Variants in APTX observed in about 807,000 individuals in gnomAD.
APTX encodes aprataxin.
APTX carries 33 observed loss-of-function variants against 42.3 expected under a neutral mutation model. The ratio of observed to expected loss-of-function variants is 0.78; its 90% CI spans 0.59 to 1.04. APTX has a LOEUF of 1.04. Among genes scored for constraint, APTX ranks in the 50% least tolerant of loss-of-function variants. APTX has a pLI of 0.00. For missense variants in APTX, 421 were observed against 415.1 expected, an observed-to-expected ratio of 1.01 and a Z score of -0.12; for synonymous variants, 130 against 146.7, an observed-to-expected ratio of 0.89 and a Z score of 0.82.
chr9:32,984,659 A>T lies in APTX; in HGVS notation c.742T>A (p.Leu248Met), dbSNP rs141195622. The T allele has an allele frequency of 1.8e-3, 2,864 of 1,614,180 alleles. 6 individuals carry two copies. Among genetic ancestry groups the T allele is most frequent in the Admixed American group, 2.3e-3 (136 of 60,018 alleles). The change falls in exon 6 of 8, where the codon TTG (leucine) becomes ATG (methionine). Residue 248 changes from leucine (L) to methionine (M), a missense_variant. Physicochemically the swap from Leu to Met is conservative, Grantham distance 15. Coordinates refer to ENST00000379817, the MANE Select transcript of APTX (RefSeq NM_001195248.2). ...ATACTCGGAATGGCGTGGTAGCCCA[A>T]TCGGAAGCGGAGTTTGCTGGACCCA... ...FAGSSKLRFRLGYHAIPSMSH... is the reference protein window; with the variant it reads ...FAGSSKLRFRMGYHAIPSMSH...
intron 1 of APTX, among the ~76,000 whole-genome samples, chr9:33,001,019 G>A (rs1034025811): frequency 3.3e-5 from 5 of 151,564 alleles, no homozygotes; most frequent in Admixed American, 2.0e-4. Context: ...GGCTAGTTTT[G>A]TATTTTTAGT....
At chr9:32,976,712 T>C (rs1829509587) in intron 6 of APTX, among the ~76,000 whole-genome samples, 1 of 152,218 alleles carries the variant, frequency 6.6e-6, no homozygotes, top group Admixed American at 6.5e-5. Context: ...ACTAAAACAG[T>C]GTTCTTCTCC....
At chr9:32,988,221 G>A in intron 2 of APTX, 92 bp from the exon 3 acceptor site, 1 of 1,168,690 alleles carries the variant, frequency 8.6e-7, no homozygotes, top group South Asian at 1.2e-5. Context: ...TTCACTACAG[G>A]CGGCAGCTGA....
chr9:32,992,023 G>C (rs1413154772), intron 1 of APTX, among the ~76,000 whole-genome samples: 1 of 152,100 alleles, frequency 6.6e-6, no homozygotes, highest in South Asian at 2.1e-4. Context: ...TATTTGAGAG[G>C]CATCAACATG....
Position 32,988,051 on chromosome 9 carries a change from A to G in APTX, c.180+32T>C, listed in dbSNP as rs749913379. 2.3e-5 allele frequency: 37 copies of G among 1,605,884 alleles called. No individual in the cohort carries two copies. The South Asian group carries it at 3.6e-4, about 16-fold the overall frequency. On this transcript the variant is annotated intron_variant, in intron 3 of 7. Transcript: ENST00000379817. ...AGTCAACAGCATAAGAAAATCATCG[A>G]GTATAAAATTCCAAGTTATAAATAC...
chr9:33,016,734 G>A (rs1837930307), intron 1 of APTX, among the ~76,000 whole-genome samples: 1 of 151,216 alleles, frequency 6.6e-6, no homozygotes, highest in Non-Finnish European at 1.5e-5. Flanking sequence ...AGTACTCACT[G>A]CTAAGAGGAA....
intron 6 of APTX, among the ~76,000 whole-genome samples, chr9:32,979,383 A>G (rs1051111179): frequency 2.0e-5 from 3 of 152,134 alleles, no homozygotes; most frequent in Admixed American, 2.0e-4. Flanking sequence ...GTTCTTTTCT[A>G]TGGCTGTGTA....
Position 32,989,849 on chromosome 9 carries a change from G to C in APTX, c.43C>G (p.Gln15Glu), listed in dbSNP as rs780791731. The part of the protein sequence containing the change: ...CWLVRQDSRH[Q>E]RIRLPHLEAV... ...TCCAAATGTGGAAGTCTGATTCGCT[G>C]GTGCCGGCTGTCCTGTCTCACCAAC... The change falls in exon 2 of 8, where the codon CAG becomes GAG. Residue 15 changes from glutamine to glutamate, a missense_variant. By Grantham distance (29) the Gln-to-Glu change is conservative (BLOSUM62 2). Coordinates refer to ENST00000379817, the MANE Select transcript of APTX (RefSeq NM_001195248.2). 1 of 1,614,226 alleles carries C rather than the reference G, an allele frequency of 6.2e-7. No individual in the cohort carries two copies. The highest frequency in any genetic ancestry group is 8.5e-7 in the Non-Finnish European group (1 of 1,180,050).
intron 2 of APTX, chr9:32,989,517 C>T (rs1280399832): frequency 7.8e-6 from 5 of 640,802 alleles, no homozygotes; most frequent in Non-Finnish European, 1.4e-5. Flanking sequence ...TCCACCATCC[C>T]ATGGTAACAG....
chr9:33,016,669 TC>T (rs60192650), intron 1 of APTX, among the ~76,000 whole-genome samples: 10,861 of 147,722 alleles, frequency 0.074, 519 homozygotes, highest in Non-Finnish European at 0.11. Flanking sequence ...TGCATTACAC[TC>T]CCCCCCCCAT....
At chr9:33,011,667 C>T (rs1050673827) in intron 1 of APTX, among the ~76,000 whole-genome samples, 17 of 152,178 alleles carry the variant, frequency 1.1e-4, no homozygotes, top group Non-Finnish European at 2.4e-4. Context: ...TCCAATTCTG[C>T]GTTTCTTTAA....
intron 7 of APTX, 146 bp downstream of exon 7, chr9:32,974,312 T>G: frequency 4.7e-6 from 3 of 644,822 alleles, no homozygotes; most frequent in Non-Finnish European, 8.3e-6. Flanking sequence ...ATAATCCAGT[T>G]TCTTTTCACA....
At chr9:33,021,582 G>A (rs569256077) in intron 1 of APTX, among the ~76,000 whole-genome samples, 1 of 152,278 alleles carries the variant, frequency 6.6e-6, no homozygotes, top group South Asian at 2.1e-4. Context: ...CAGCACTTTG[G>A]GACACCAAGG....
chr9:32,974,358 G>A, intron 7 of APTX, 100 bp downstream of exon 7: 2 of 805,246 alleles, frequency 2.5e-6, no homozygotes, highest in South Asian at 2.8e-5. Flanking sequence ...GTTGTACATA[G>A]GTTTTTGAGG....
chr9:32,974,797 T>A (rs1308319333), intron 6 of APTX, among the ~76,000 whole-genome samples: 1 of 152,184 alleles, frequency 6.6e-6, no homozygotes, highest in Non-Finnish European at 1.5e-5. Context: ...ACTGAGACTT[T>A]AGCAAGAAAC....
chr9:32,989,534 C>T (rs937843732), intron 2 of APTX: 1 of 681,610 alleles, frequency 1.5e-6, no homozygotes, highest in South Asian at 1.5e-5. Flanking sequence ...ACAGTATGAA[C>T]TTGACTGCTC....
Position 32,986,032 on chromosome 9 carries a change from T to TAAAAAAAAAAAAAAAAAAAAAAAA in APTX, c.484-3_484-2insTTTTTTTTTTTTTTTTTTTTTTTT. On this transcript the variant is annotated splice_polypyrimidine_tract_variant and splice_region_variant and intron_variant, in intron 4 of 7. Transcript: ENST00000379817. ...TTGACTCCAGTGGCCCAGGGATTCC[T>TAAAAAAAAAAAAAAAAAAAAAAAA]AAAAAAAAAACAAAAAAAAAAACAA... 9.6e-6 allele frequency: 7 copies of TAAAAAAAAAAAAAAAAAAAAAAAA among 732,430 alleles called. No individual in the cohort carries two copies. The highest frequency in any genetic ancestry group is 7.7e-5 in the South Asian group (4 of 51,912). The allele number at this position is 732,430 out of a possible 1,614,324, so 45.4% of individuals were successfully genotyped here.
chr9:33,024,815 A>G (rs536699542), intron 1 of APTX: 1 of 134,814 alleles, frequency 7.4e-6, no homozygotes, highest in Admixed American at 8.7e-5. Flanking sequence ...TGGCTCAAGC[A>G]TTTTTTGCTC....
At chr9:32,990,110 GTATT>G (rs1833220181) in intron 1 of APTX, 2 of 602,160 alleles carry the variant, frequency 3.3e-6, no homozygotes, top group African/African-American at 3.7e-5. Context: ...ATGTGAGTAA[GTATT>G]TACCTCCCTG....
Sources: gnomAD v4.1 joint callset for allele counts (sites outside exome capture counted in the v4.1 genomes callset) on GRCh38, gnomAD v4.1.1 for gene constraint, MANE v1.5 for transcripts, NCBI Gene and HGNC (gene_info 2026-07-23, HGNC 2026-07-21) for gene names.